DSG3: variants seen among roughly 807,000 people sequenced by gnomAD.
DSG3 encodes the protein desmoglein-3.
In DSG3, 63 loss-of-function variants were observed where a neutral mutation model predicts 85.9. The ratio of observed to expected loss-of-function variants is 0.73; its 90% CI spans 0.60 to 0.90. The LOEUF is 0.90. DSG3 is among the 40% of genes least tolerant of loss of function. The pLI is 0.00. For missense variants in DSG3, 1,220 were observed against 1,219.9 expected, an observed-to-expected ratio of 1.00 and a Z score of 0.00; for synonymous variants, 447 against 441.9, an observed-to-expected ratio of 1.01 and a Z score of -0.14.
Position 31,466,728 on chromosome 18 carries a change from C to T in DSG3, c.1610C>T (p.Ala537Val). Residue 537 changes from alanine to valine, a missense_variant, in exon 11 of 16, where the codon GCC becomes GTC. By Grantham distance (64) the Ala-to-Val change is moderately conservative. Coordinates refer to ENST00000257189, the MANE Select transcript of DSG3 (RefSeq NM_001944.3). Reference sequence around the variant, plus strand: ...GAAGATCAACCTGTAAAGTTGCCTGCCGTATGGAGTATCACAACCCTCAAT... The same window carrying T: ...GAAGATCAACCTGTAAAGTTGCCTGTCGTATGGAGTATCACAACCCTCAAT... The part of the protein sequence containing the change: ...ALEDQPVKLP[A>V]VWSITTLNAT... The T allele has an allele frequency of 6.2e-7, 1 of 1,614,114 alleles. No individual in the cohort carries two copies.
At chr18:31,456,600 A>G (rs939046766) in intron 2 of DSG3, 125 bp downstream of exon 2, 15 of 478,684 alleles carry the variant, frequency 3.1e-5, no homozygotes, top group African/African-American at 3.0e-4. Flanking sequence ...GTGAAAATAT[A>G]TAAAATTAAA....
Position 31,472,380 on chromosome 18 carries a change from C to T in DSG3, c.1994C>T (p.Thr665Ile), listed in dbSNP as rs752165847. 1 of 1,614,064 alleles carries T rather than the reference C, an allele frequency of 6.2e-7. No individual in the cohort carries two copies. The highest frequency in any genetic ancestry group is 8.5e-7 in the Non-Finnish European group (1 of 1,180,002). ...FIPVPDGSEGTIHQWGIEGAH... is the reference protein window; with the variant it reads ...FIPVPDGSEGIIHQWGIEGAH... Reference sequence around the variant, plus strand: ...CCAGTTCCTGATGGCTCAGAAGGAACAATTCATCAGTGGGGAATTGAAGGA... The same window carrying T: ...CCAGTTCCTGATGGCTCAGAAGGAATAATTCATCAGTGGGGAATTGAAGGA... The change falls in exon 13 of 16, where the codon ACA becomes ATA. Residue 665 changes from threonine (T) to isoleucine (I), a missense_variant. Coordinates refer to ENST00000257189, the MANE Select transcript of DSG3 (RefSeq NM_001944.3).
At chr18:31,471,978 GA>G (rs1362988007) in intron 12 of DSG3, among the ~76,000 whole-genome samples, 4 of 152,090 alleles carry the variant, frequency 2.6e-5, no homozygotes, top group African/African-American at 9.7e-5. Flanking sequence ...ATGTATTAAG[GA>G]AAAGGATTGA....
At chr18:31,472,484 T>C (rs893677513) in intron 13 of DSG3, 61 bp downstream of exon 13, 11 of 1,555,762 alleles carry the variant, frequency 7.1e-6, no homozygotes, top group South Asian at 2.4e-5. Context: ...TTGATTTACA[T>C]TGAGATAGGA....
At chr18:31,462,580 A>AT (rs1407722569) in intron 8 of DSG3, among the ~76,000 whole-genome samples, 1 of 152,146 alleles carries the variant, frequency 6.6e-6, no homozygotes. Flanking sequence ...GGAGTGAGCT[A>AT]TTCTCTATCT....
intron 8 of DSG3, among the ~76,000 whole-genome samples, chr18:31,463,318 C>T (rs2144274596): frequency 6.6e-6 from 1 of 152,314 alleles, no homozygotes; most frequent in Admixed American, 6.5e-5. Context: ...CTGGAAAATG[C>T]TTGAGCACAC....
At chr18:31,469,011 T>A in intron 11 of DSG3, 78 bp from the exon 12 acceptor site, 1 of 1,550,074 alleles carries the variant, frequency 6.5e-7, no homozygotes, top group Non-Finnish European at 8.8e-7. Context: ...CAGTCTGTGA[T>A]ATTCTGTTAT....
chr18:31,478,665 T>C lies in DSG3; in HGVS notation c.*2405T>C, dbSNP rs2072904028. The C allele has an allele frequency of 6.6e-6, 1 of 152,226 alleles. No individual in the cohort carries two copies. The highest frequency in any genetic ancestry group is 2.4e-5 in the African/African-American group (1 of 41,452). The allele number at this position is 152,226 out of a possible 1,614,324, so 9.4% of individuals were successfully genotyped here. A position where few individuals can be genotyped will look rare whatever the true frequency, so the allele number is the denominator to read the frequency against. ...AACCATAAACAGTATAATGTTGTTA[T>C]AATAAAACAGGCAATAAATTTATAA... On this transcript the variant is annotated 3_prime_UTR_variant, in exon 16 of 16. Transcript: ENST00000257189.
chr18:31,449,812 C>A (rs1455750116), intron 1 of DSG3, among the ~76,000 whole-genome samples: 2 of 152,148 alleles, frequency 1.3e-5, no homozygotes, highest in South Asian at 2.1e-4. Context: ...GTGGTCTAGA[C>A]CTACTCTGTC....
rs770780091 is a variant in DSG3, at chr18:31,457,166, T to A, written c.216+42T>A. ...GGAGCGTATGAGTTTTTAGAATAAA[T>A]GTATAAGGTGTAAATTAAAATAATA... On this transcript the variant is annotated intron_variant, in intron 3 of 15. Transcript: ENST00000257189. The A allele has an allele frequency of 2.5e-6, 4 of 1,571,874 alleles. No individual in the cohort carries two copies. The Admixed American group carries it at 5.8e-5, about 23-fold the overall frequency.
chr18:31,469,201 A>C lies in DSG3; in HGVS notation c.1749A>C (p.Thr583=). The C allele has an allele frequency of 6.2e-7, 1 of 1,614,188 alleles. No homozygotes were observed. Among genetic ancestry groups the C allele is most frequent in the Non-Finnish European group, 8.5e-7 (1 of 1,180,030 alleles). ...NNRCEMPRSL[T]LEVCQCDNRG... The stretch of plus-strand genomic sequence containing the variant: ...GGTGTGAGATGCCACGCAGCTTGAC[A>C]CTGGAAGTCTGTCAGTGTGACAACA... Residue 583 remains threonine (T), a synonymous_variant, in exon 12 of 16, where the codon ACA becomes ACC. Coordinates refer to ENST00000257189, the MANE Select transcript of DSG3 (RefSeq NM_001944.3).
At position 31,450,780 on chromosome 18, in the gene DSG3, A is replaced by C. The variant is rs182863247; in HGVS notation, c.48+2855A>C. 1.3e-3 allele frequency among the ~76,000 whole-genome samples: 205 copies of C among 152,360 alleles called. 2 individuals carry two copies. The highest frequency in any genetic ancestry group is 4.8e-3 in the African/African-American group (198 of 41,604). Reference sequence around the variant, plus strand: ...CATAGTGAGAATAAAGCAGCAATGCATGCAAAACAATTAAAAAGTGCTGTG... The same window carrying C: ...CATAGTGAGAATAAAGCAGCAATGCCTGCAAAACAATTAAAAAGTGCTGTG... On this transcript the variant is annotated intron_variant, in intron 1 of 15. Coordinates refer to ENST00000257189, the MANE Select transcript of DSG3 (RefSeq NM_001944.3).
At chr18:31,472,821 T>C (rs2072864386) in intron 14 of DSG3, 33 bp downstream of exon 14, 2 of 1,580,866 alleles carry the variant, frequency 1.3e-6, no homozygotes, top group African/African-American at 2.7e-5. Flanking sequence ...AAAGCAATGG[T>C]GAGTTAAGTG....
chr18:31,475,706 T>C lies in DSG3; in HGVS notation c.2446T>C (p.Tyr816His), dbSNP rs1359575671. 2 of 1,614,102 alleles carry C rather than the reference T, an allele frequency of 1.2e-6. No individual in the cohort carries two copies. The highest frequency in any genetic ancestry group is 1.7e-6 in the Non-Finnish European group (2 of 1,180,050). ...GGAAGCAAATGACTGCTTGTTGATC[T>C]ATGATAATGAAGGCGCAGATGCCAC... ...GQEANDCLLI[Y>H]DNEGADATGS... is the part of the protein sequence containing the mutation. Residue 816 changes from tyrosine to histidine, a missense_variant, in exon 16 of 16, where the codon TAT becomes CAT. Coordinates refer to ENST00000257189, the MANE Select transcript of DSG3 (RefSeq NM_001944.3).
At chr18:31,473,195 G>A (rs1218684566) in intron 14 of DSG3, among the ~76,000 whole-genome samples, 1 of 152,176 alleles carries the variant, frequency 6.6e-6, no homozygotes, top group Non-Finnish European at 1.5e-5. Flanking sequence ...CATATTTTCA[G>A]TTAAAGTCTC....
Position 31,453,873 on chromosome 18 carries a change from A to T in DSG3, c.49-2567A>T, listed in dbSNP as rs544624594. Among the ~76,000 whole-genome samples, 133 of 152,250 alleles carry T rather than the reference A, an allele frequency of 8.7e-4. 2 individuals carry two copies. The highest frequency in any genetic ancestry group is 1.5e-3 in the Non-Finnish European group (104 of 68,014). ...GATTTAGTCATTCCACAGTTTATAC[A>T]TATCTCAAAACAACATGTACATGAT... On this transcript the variant is annotated intron_variant, in intron 1 of 15. Transcript: ENST00000257189.
rs1168666481 is a variant in DSG3, at chr18:31,469,361, A to G, written c.1897+12A>G. On this transcript the variant is annotated intron_variant, in intron 12 of 15. Transcript: ENST00000257189. ...CCTGCTGCTGCTGTGTGAGTAGCCA[A>G]TGTTTCATTCTCTGTTGGACCAGGT... The G allele has an allele frequency of 1.9e-6, 3 of 1,611,992 alleles. No individual in the cohort carries two copies. The highest frequency in any genetic ancestry group is 1.7e-5 in the Admixed American group (1 of 60,002).
chr18:31,451,179 T>A (rs1375304592), intron 1 of DSG3, among the ~76,000 whole-genome samples: 2 of 152,154 alleles, frequency 1.3e-5, no homozygotes, highest in Admixed American at 1.3e-4. Context: ...ATGCTTATCT[T>A]CAGAGATTTA....
At position 31,459,097 on chromosome 18, in the gene DSG3, A is replaced by G. The variant is rs769698367; in HGVS notation, c.437A>G (p.Lys146Arg). ...GAGAAACCACTTATACTAACGGTTA[A>G]AATTTTGGATATTAATGATAATCCT... Reference protein sequence around the residue: ...DVEKPLILTVKILDINDNPPV... With the variant: ...DVEKPLILTVRILDINDNPPV... Residue 146 changes from lysine (K) to arginine (R), a missense_variant, in exon 5 of 16, where the codon AAA becomes AGA. Transcript: ENST00000257189. The G allele has an allele frequency of 8.1e-6, 13 of 1,613,676 alleles. No homozygotes were observed. Among genetic ancestry groups the G allele is most frequent in the Non-Finnish European group, 1.1e-5 (13 of 1,179,918 alleles).
Sources: allele counts gnomAD v4.1 joint callset (sites outside exome capture counted in the v4.1 genomes callset), GRCh38; gene constraint gnomAD v4.1.1; transcripts MANE v1.5; gene names NCBI Gene and HGNC (gene_info 2026-07-23, HGNC 2026-07-21).